The following ABCA12 variants were observed in gnomAD, a reference collection of about 807,000 sequenced individuals.
ABCA12 encodes the protein glucosylceramide transporter ABCA12.
Under a neutral mutation model 293.5 loss-of-function variants are expected in ABCA12, and 156 were observed. The ratio of observed to expected loss-of-function variants is 0.53; its 90% CI spans 0.47 to 0.61. The LOEUF is 0.61. Among genes scored for constraint, ABCA12 ranks in the 20% least tolerant of loss-of-function variants. The probability of loss-of-function intolerance (pLI) is 0.00; values close to 1 mark genes in which losing one functional copy is unlikely to be tolerated. For synonymous variants in ABCA12, 1,063 were observed against 1,108.0 expected (o/e 0.96, Z 0.81); for missense variants, 2,797 against 3,090.2 (o/e 0.91, Z 2.25).
At chr2:215,090,415 C>T (rs1335202877) in intron 2 of ABCA12, among the ~76,000 whole-genome samples, 2 of 152,160 alleles carry the variant, frequency 1.3e-5, no homozygotes, top group Non-Finnish European at 2.9e-5. Flanking sequence ...CTCAGACCAG[C>T]CCAAGGAACA....
intron 2 of ABCA12, among the ~76,000 whole-genome samples, chr2:215,100,961 A>T (rs1397853239): frequency 6.6e-6 from 1 of 152,216 alleles, no homozygotes; most frequent in Non-Finnish European, 1.5e-5. Context: ...GCACCAGTTC[A>T]GGAAATTGTG....
Position 215,037,070 on chromosome 2 carries a change from G to T in ABCA12, c.873-5C>A, listed in dbSNP as rs760043426. On this transcript the variant is annotated splice_polypyrimidine_tract_variant and splice_region_variant and intron_variant, in intron 7 of 52. Transcript: ENST00000272895. ...TTCTGCACAACCAGCAGCACACTAA[G>T]GAGTCAAAAAGCAATTAAACCAGAT... is the stretch of plus-strand genomic sequence containing the variant. The T allele has an allele frequency of 2.5e-6, 4 of 1,612,932 alleles. No homozygotes were observed. The South Asian group carries it at 4.4e-5, about 18-fold the overall frequency.
intron 8 of ABCA12, chr2:215,032,121 A>C (rs1700891829): frequency 2.9e-6 from 4 of 1,396,914 alleles, no homozygotes; most frequent in Non-Finnish European, 3.7e-6. Flanking sequence ...CCGATGGTCA[A>C]GCATATGCAT....
chr2:215,032,095 A>ACTGAT (rs1431826099), intron 8 of ABCA12, 199 bp from the exon 9 acceptor site: 6 of 1,437,856 alleles, frequency 4.2e-6, no homozygotes, highest in Non-Finnish European at 5.5e-6. Flanking sequence ...ATAGATGCCT[A>ACTGAT]CTGATCAAAA....
At chr2:215,007,323 G>T (rs1261286281) in intron 19 of ABCA12, among the ~76,000 whole-genome samples, 1 of 152,174 alleles carries the variant, frequency 6.6e-6, no homozygotes, top group Non-Finnish European at 1.5e-5. Context: ...TTCTACCATG[G>T]AATTCCCCAA....
chr2:214,999,398 T>C (rs1700096879), intron 22 of ABCA12, among the ~76,000 whole-genome samples: 1 of 152,240 alleles, frequency 6.6e-6, no homozygotes, highest in Non-Finnish European at 1.5e-5. Flanking sequence ...TTAATTAGCC[T>C]TTCTGGATTT....
intron 8 of ABCA12, among the ~76,000 whole-genome samples, chr2:215,033,768 C>T (rs990539766): frequency 2.0e-5 from 3 of 151,840 alleles, no homozygotes; most frequent in African/African-American, 4.8e-5. Context: ...GGTGACACCC[C>T]GTCTCTACTA....
intron 2 of ABCA12, chr2:215,075,379 GA>G (rs948533253): frequency 1.3e-5 from 7 of 530,974 alleles, no homozygotes; most frequent in Non-Finnish European, 2.0e-5. Context: ...CTAGTAACCT[GA>G]GCTAACTTAT....
At chr2:214,995,846 A>G (rs558662866) in intron 23 of ABCA12, among the ~76,000 whole-genome samples, 9 of 152,228 alleles carry the variant, frequency 5.9e-5, no homozygotes, top group South Asian at 4.2e-4. Flanking sequence ...AAAAGGGGGG[A>G]AAATCAATGT....
intron 20 of ABCA12, among the ~76,000 whole-genome samples, chr2:215,002,850 C>CAA (rs1700172972): frequency 6.6e-6 from 1 of 152,284 alleles, no homozygotes; most frequent in Non-Finnish European, 1.5e-5. Context: ...TGTAATTATA[C>CAA]AAACATAAGA....
At chr2:215,120,959 G>C (rs1015418425) in intron 1 of ABCA12, among the ~76,000 whole-genome samples, 1 of 152,158 alleles carries the variant, frequency 6.6e-6, no homozygotes, top group African/African-American at 2.4e-5. Flanking sequence ...ATGAATTCTT[G>C]TTGTCAAGTG....
chr2:215,099,203 T>C (rs1416407028), intron 2 of ABCA12, among the ~76,000 whole-genome samples: 1 of 152,222 alleles, frequency 6.6e-6, no homozygotes, highest in African/African-American at 2.4e-5. Context: ...CTCAAGTAGC[T>C]TCAAGGCCCA....
intron 2 of ABCA12, among the ~76,000 whole-genome samples, chr2:215,097,951 AT>A (rs1467970737): frequency 1.3e-5 from 2 of 152,204 alleles, no homozygotes; most frequent in African/African-American, 2.4e-5. Context: ...ACAAAGTTCT[AT>A]AATTTTTTTT....
rs558578913 is a variant in ABCA12, at chr2:214,944,989, C to T, written c.7343+12G>A. On this transcript the variant is annotated intron_variant, in intron 49 of 52. Transcript: ENST00000272895. Reference sequence around the variant, plus strand: ...CTGTGTGGATTCGCTTTAAAGATTCCACTCAGTTTACCTGTGAGATGTGAG... The same window carrying T: ...CTGTGTGGATTCGCTTTAAAGATTCTACTCAGTTTACCTGTGAGATGTGAG... 1.9e-6 allele frequency: 3 copies of T among 1,610,722 alleles called. No individual in the cohort carries two copies. The highest frequency in any genetic ancestry group is 2.7e-5 in the African/African-American group (2 of 74,878).
At chr2:215,030,591 C>G (rs780871619) in intron 9 of ABCA12, among the ~76,000 whole-genome samples, 6 of 127,820 alleles carry the variant, frequency 4.7e-5, no homozygotes, top group African/African-American at 1.5e-4. Context: ...GCGACAGAGC[C>G]AGACTCCATC....
At chr2:215,134,904 TC>T (rs1703177452) in intron 1 of ABCA12, among the ~76,000 whole-genome samples, 1 of 151,994 alleles carries the variant, frequency 6.6e-6, no homozygotes, top group Non-Finnish European at 1.5e-5. Flanking sequence ...TGCCTTGGCC[TC>T]TCAAAGGATT....
intron 2 of ABCA12, among the ~76,000 whole-genome samples, chr2:215,077,136 A>G (rs1701850357): frequency 1.3e-5 from 2 of 152,306 alleles, no homozygotes; most frequent in African/African-American, 2.4e-5. Flanking sequence ...TGATAACACA[A>G]ATAGATGCTG....
chr2:215,018,775 C>T (rs534865041), intron 13 of ABCA12, among the ~76,000 whole-genome samples: 1 of 152,204 alleles, frequency 6.6e-6, no homozygotes, highest in Non-Finnish European at 1.5e-5. Context: ...ATCTAAGTAT[C>T]CTTCATGCAA....
In ABCA12 at chr2:214,932,519, A is replaced by G. The variant is rs1698090290; in HGVS notation, c.*115T>C. 1 of 836,146 alleles carries G rather than the reference A, an allele frequency of 1.2e-6. No homozygotes were observed. Among genetic ancestry groups the G allele is most frequent in the Non-Finnish European group, 2.0e-6 (1 of 505,324 alleles). The allele number at this position is 836,146 out of a possible 1,614,324, so 51.8% of individuals were successfully genotyped here. ...TAGTCTAACACAGTTGTAACTTTCC[A>G]TACAGTATATTACTTTACTTTAAAA... On this transcript the variant is annotated 3_prime_UTR_variant, in exon 53 of 53. Coordinates refer to ENST00000272895, the MANE Select transcript of ABCA12 (RefSeq NM_173076.3).
Sources: allele counts gnomAD v4.1 joint callset (sites outside exome capture counted in the v4.1 genomes callset), GRCh38; gene constraint gnomAD v4.1.1; transcripts MANE v1.5; gene names NCBI Gene and HGNC (gene_info 2026-07-23, HGNC 2026-07-21).